The following SLIT3 variants were observed in gnomAD, a reference collection of about 807,000 sequenced individuals.
SLIT3 encodes slit homolog 3 protein.
SLIT3 carries 68 observed loss-of-function variants against 184.0 expected under a neutral mutation model. The observed-to-expected ratio is 0.37, with a 90% CI of 0.30 to 0.45. The LOEUF is 0.45. Among genes scored for constraint, SLIT3 ranks in the 20% least tolerant of loss-of-function variants. The pLI is 1.00. For synonymous variants in SLIT3, 831 were observed against 828.6 expected, an observed-to-expected ratio of 1.00 and a Z score of -0.05; for missense variants, 1,707 against 2,026.0, an observed-to-expected ratio of 0.84 and a Z score of 3.02.
At chr5:168,758,798 A>G (rs1755039987) in intron 16 of SLIT3, among the ~76,000 whole-genome samples, 2 of 152,172 alleles carry the variant, frequency 1.3e-5, no homozygotes, top group South Asian at 4.1e-4. Context: ...GGGTGGGAGC[A>G]TGGGTAATGA....
At chr5:169,065,117 G>A (rs1561640439) in intron 4 of SLIT3, among the ~76,000 whole-genome samples, 1 of 152,194 alleles carries the variant, frequency 6.6e-6, no homozygotes, top group Non-Finnish European at 1.5e-5. Context: ...TTAGTGGAAA[G>A]GTGCAAAGCG....
chr5:169,225,701 A>C (rs186330601), intron 3 of SLIT3, among the ~76,000 whole-genome samples: 1 of 152,266 alleles, frequency 6.6e-6, no homozygotes. Flanking sequence ...AGTTGCCACA[A>C]AAGAGAAGAC....
At chr5:168,702,778 TG>T (rs1180757225) in intron 26 of SLIT3, among the ~76,000 whole-genome samples, 1 of 152,126 alleles carries the variant, frequency 6.6e-6, no homozygotes, top group Non-Finnish European at 1.5e-5. Flanking sequence ...CTTTGGTTGG[TG>T]CCAAGTAGTT....
intron 9 of SLIT3, among the ~76,000 whole-genome samples, chr5:168,798,223 C>CTTCT (rs1554142553): frequency 7.3e-5 from 8 of 109,028 alleles, no homozygotes; most frequent in Non-Finnish European, 1.0e-4. Context: ...TCTTCTTCTT[C>CTTCT]TTTTTTTTTT....
chr5:168,694,573 C>T (rs1183646301), intron 28 of SLIT3, among the ~76,000 whole-genome samples: 2 of 152,162 alleles, frequency 1.3e-5, no homozygotes, highest in Admixed American at 6.5e-5. Context: ...GTCAGTCAGT[C>T]AGTCTTTCTC....
chr5:168,739,253 G>A (rs1168406957), intron 20 of SLIT3, among the ~76,000 whole-genome samples: 4 of 152,186 alleles, frequency 2.6e-5, no homozygotes, highest in Admixed American at 2.6e-4. Flanking sequence ...AAGACAGATC[G>A]GTAGAGTTAT....
intron 4 of SLIT3, among the ~76,000 whole-genome samples, chr5:169,127,847 CAAG>C (rs1276479865): frequency 2.0e-5 from 3 of 152,104 alleles, no homozygotes; most frequent in Non-Finnish European, 4.4e-5. Flanking sequence ...AGAGCTCTAA[CAAG>C]AAGGGTTTTT....
At chr5:169,209,237 C>A (rs1211637400) in intron 3 of SLIT3, among the ~76,000 whole-genome samples, 1 of 152,098 alleles carries the variant, frequency 6.6e-6, no homozygotes, top group Non-Finnish European at 1.5e-5. Flanking sequence ...AAATGCAAAT[C>A]AAAACCACAA....
rs575319818 is a variant in SLIT3, at chr5:169,038,020, C to A, written c.414-154684G>T. ...TTCAGTATGTGTCTATCCTAGTAAG[C>A]TTCTCAAATGATACAGAATTTTTCG... On this transcript the variant is annotated intron_variant, in intron 4 of 35. Transcript: ENST00000519560. The A allele has an allele frequency of 9.2e-5, 14 of 152,302 alleles. No homozygotes were observed. In the South Asian group the frequency reaches 2.9e-3, roughly 32 times the overall value. The allele number at this position is 152,302 out of a possible 1,614,324, so 9.4% of individuals were successfully genotyped here. A position where few individuals can be genotyped will look rare whatever the true frequency, so the allele number is the denominator to read the frequency against.
At chr5:169,209,694 G>T (rs532561209) in intron 3 of SLIT3, among the ~76,000 whole-genome samples, 4 of 152,240 alleles carry the variant, frequency 2.6e-5, no homozygotes, top group African/African-American at 9.6e-5. Flanking sequence ...GCTAACCCAG[G>T]AACAGAAAAC....
intron 2 of SLIT3, among the ~76,000 whole-genome samples, chr5:169,248,173 T>C (rs545875525): frequency 1.3e-5 from 2 of 152,288 alleles, no homozygotes; most frequent in South Asian, 2.1e-4. Context: ...CAGGGGACAG[T>C]AGTGACCCCG....
chr5:169,016,577 G>A lies in SLIT3; in HGVS notation c.414-133241C>T, dbSNP rs538929106. On this transcript the variant is annotated intron_variant, in intron 4 of 35. Coordinates refer to ENST00000519560, the MANE Select transcript of SLIT3 (RefSeq NM_003062.4). Reference sequence around the variant, plus strand: ...CATCCATTAAAAACATATAATACATGTAATTCTTATTTACTGAGCACTGTA... The same window carrying A: ...CATCCATTAAAAACATATAATACATATAATTCTTATTTACTGAGCACTGTA... Among the ~76,000 whole-genome samples, 8 of 152,258 alleles carry A rather than the reference G, an allele frequency of 5.3e-5. No individual in the cohort carries two copies. In the East Asian group the frequency reaches 1.4e-3, roughly 26 times the overall value.
intron 5 of SLIT3, among the ~76,000 whole-genome samples, chr5:168,847,727 T>C (rs931722625): frequency 6.6e-6 from 1 of 152,120 alleles, no homozygotes; most frequent in African/African-American, 2.4e-5. Context: ...TCTTTGAGGA[T>C]GGTGGAGTGG....
intron 3 of SLIT3, among the ~76,000 whole-genome samples, chr5:169,236,590 C>T (rs575636653): frequency 3.1e-4 from 47 of 152,104 alleles, no homozygotes; most frequent in African/African-American, 1.1e-3. Flanking sequence ...CCTGTCTCAG[C>T]ATCCTGAGTA....
intron 4 of SLIT3, among the ~76,000 whole-genome samples, chr5:168,913,966 C>T (rs1761350100): frequency 1.3e-5 from 2 of 152,058 alleles, no homozygotes; most frequent in African/African-American, 2.4e-5. Flanking sequence ...CTACATTTTC[C>T]TTTTCTCACC....
intron 4 of SLIT3, among the ~76,000 whole-genome samples, chr5:168,947,740 A>G (rs1762527443): frequency 6.6e-6 from 1 of 152,188 alleles, no homozygotes; most frequent in South Asian, 2.1e-4. Context: ...GGGCTGGGCA[A>G]TAATGGGGAA....
intron 5 of SLIT3, among the ~76,000 whole-genome samples, chr5:168,873,899 A>T (rs1226505816): frequency 6.6e-6 from 1 of 152,144 alleles, no homozygotes; most frequent in African/African-American, 2.4e-5. Context: ...ATCAACGAAT[A>T]CCAGAGCCTC....
At chr5:169,098,975 C>T (rs1010759551) in intron 4 of SLIT3, among the ~76,000 whole-genome samples, 5 of 152,022 alleles carry the variant, frequency 3.3e-5, no homozygotes, top group African/African-American at 1.2e-4. Flanking sequence ...TCTCAGATGC[C>T]TGCACCCTTC....
At chr5:168,714,980 T>C (rs1264414157) in intron 23 of SLIT3, among the ~76,000 whole-genome samples, 1 of 152,194 alleles carries the variant, frequency 6.6e-6, no homozygotes. Context: ...GCGCGAACCT[T>C]GGGTCTCTGA....
Sources: allele counts gnomAD v4.1 joint callset (sites outside exome capture counted in the v4.1 genomes callset), GRCh38; gene constraint gnomAD v4.1.1; transcripts MANE v1.5; gene names NCBI Gene and HGNC (gene_info 2026-07-23, HGNC 2026-07-21).